The following PMEPA1 variants were observed in gnomAD, a reference collection of about 807,000 sequenced individuals.
PMEPA1 encodes the protein prostate transmembrane protein, androgen induced 1, also known as protein TMEPAI.
Under a neutral mutation model 23.0 loss-of-function variants are expected in PMEPA1, and 11 were observed. The observed-to-expected ratio is 0.48, with a 90% CI of 0.30 to 0.79. The LOEUF is 0.79. Ranked by LOEUF, PMEPA1 falls within the 30% of genes least tolerant of loss-of-function variation. PMEPA1 has a pLI of 0.06. For missense variants in PMEPA1, 377 were observed against 390.9 expected, an observed-to-expected ratio of 0.96 and a Z score of 0.30; for synonymous variants, 204 against 166.4, an observed-to-expected ratio of 1.23 and a Z score of -1.74.
intron 1 of PMEPA1, among the ~76,000 whole-genome samples, chr20:57,707,584 A>G (rs2072106763): frequency 6.6e-6 from 1 of 151,448 alleles, no homozygotes; most frequent in South Asian, 2.1e-4. Flanking sequence ...AGAGGCCTTG[A>G]TGTCAGGTCA....
Position 57,709,859 on chromosome 20 carries a change from GGC to G in PMEPA1, c.-279_-278del, listed in dbSNP as rs1341789451. 64 of 988,986 alleles carry G rather than the reference GGC, an allele frequency of 6.5e-5. 1 individual carries two copies. In the East Asian group the frequency reaches 3.4e-3, roughly 52 times the overall value. 61.3% of individuals were successfully genotyped at this position (988,986 alleles called of 1,614,324 possible). A position where few individuals can be genotyped will look rare whatever the true frequency, so the allele number is the denominator to read the frequency against. ...CGTCCGGAAAATGGGCTGGCAGCGG[GGC>G]GCGCGCTGCCGCCGGGGCTGAGCCT... is the stretch of plus-strand genomic sequence containing the variant. On this transcript the variant is annotated 5_prime_UTR_variant, in exon 1 of 4. Coordinates refer to ENST00000341744, the MANE Select transcript of PMEPA1 (RefSeq NM_020182.5).
intron 1 of PMEPA1, among the ~76,000 whole-genome samples, chr20:57,691,516 C>A (rs549334455): frequency 6.6e-6 from 1 of 152,304 alleles, no homozygotes; most frequent in African/African-American, 2.4e-5. Context: ...ACAGGCACCA[C>A]TGGCACCGCT....
At chr20:57,667,262 C>G (rs1039352023) in intron 1 of PMEPA1, among the ~76,000 whole-genome samples, 1 of 152,108 alleles carries the variant, frequency 6.6e-6, no homozygotes, top group African/African-American at 2.4e-5. Flanking sequence ...AGAGCCTGGA[C>G]CTGAACTGAG....
chr20:57,678,491 C>G (rs932613427), intron 1 of PMEPA1, among the ~76,000 whole-genome samples: 4 of 152,210 alleles, frequency 2.6e-5, no homozygotes, highest in Admixed American at 2.6e-4. Flanking sequence ...AGGCCTGGCA[C>G]TGGGGGAGGG....
chr20:57,664,222 C>T (rs897309032), intron 1 of PMEPA1, among the ~76,000 whole-genome samples: 3 of 152,190 alleles, frequency 2.0e-5, no homozygotes, highest in African/African-American at 7.2e-5. Context: ...AGGCCTGGTC[C>T]CGGGACTCAC....
intron 1 of PMEPA1, among the ~76,000 whole-genome samples, chr20:57,681,902 T>C (rs756581977): frequency 2.0e-5 from 3 of 152,122 alleles, no homozygotes; most frequent in African/African-American, 4.8e-5. Flanking sequence ...TGACTCCTTC[T>C]CATCCCTCAT....
intron 1 of PMEPA1, among the ~76,000 whole-genome samples, chr20:57,686,092 G>A (rs1323139507): frequency 6.6e-6 from 1 of 152,174 alleles, no homozygotes; most frequent in East Asian, 1.9e-4. Context: ...AAGGTTCCAA[G>A]GGAGGAAGAA....
In PMEPA1 at chr20:57,709,954, C is replaced by T. The variant is rs2072149493; in HGVS notation, c.-372G>A. ...CCGCCGCCGCCTCCTCCTCCTCATT[C>T]AAGTCCAAGGAGATCGGGTTTCGCT... On this transcript the variant is annotated 5_prime_UTR_variant, in exon 1 of 4. Coordinates refer to ENST00000341744, the MANE Select transcript of PMEPA1 (RefSeq NM_020182.5). 9.9e-7 allele frequency: 1 copy of T among 1,009,754 alleles called. No homozygotes were observed. Among genetic ancestry groups the T allele is most frequent in the African/African-American group, 1.7e-5 (1 of 57,628 alleles). 62.5% of individuals were successfully genotyped at this position (1,009,754 alleles called of 1,614,324 possible). A position where few individuals can be genotyped will look rare whatever the true frequency, so the allele number is the denominator to read the frequency against.
chr20:57,677,279 C>T (rs1039470630), intron 1 of PMEPA1, among the ~76,000 whole-genome samples: 1 of 152,182 alleles, frequency 6.6e-6, no homozygotes, highest in Non-Finnish European at 1.5e-5. Flanking sequence ...ACTATGGCCC[C>T]GTCTCATTGG....
intron 1 of PMEPA1, among the ~76,000 whole-genome samples, chr20:57,669,547 CA>C (rs2071539484): frequency 6.6e-6 from 1 of 152,210 alleles, no homozygotes; most frequent in South Asian, 2.1e-4. Context: ...AACTGGGAAC[CA>C]CTGAAATGTC....
At chr20:57,706,713 C>G (rs1027643283) in intron 1 of PMEPA1, among the ~76,000 whole-genome samples, 2 of 152,184 alleles carry the variant, frequency 1.3e-5, no homozygotes, top group South Asian at 4.1e-4. Context: ...GAGGTGTGGG[C>G]GTGCAGTCCA....
chr20:57,684,189 T>G (rs573486882), intron 1 of PMEPA1, among the ~76,000 whole-genome samples: 1 of 152,118 alleles, frequency 6.6e-6, no homozygotes, highest in African/African-American at 2.4e-5. Flanking sequence ...GGAGGGCAGA[T>G]TGATGACTGC....
chr20:57,661,986 T>A (rs960350662), intron 1 of PMEPA1, among the ~76,000 whole-genome samples: 4 of 152,188 alleles, frequency 2.6e-5, no homozygotes, highest in Admixed American at 2.6e-4. Context: ...GGGCCGCGTC[T>A]GCACCCAGGG....
intron 1 of PMEPA1, among the ~76,000 whole-genome samples, chr20:57,692,725 A>C (rs2071898877): frequency 6.6e-6 from 1 of 152,182 alleles, no homozygotes; most frequent in Non-Finnish European, 1.5e-5. Context: ...GAGCCTGAGG[A>C]ACCTCCGTCC....
intron 1 of PMEPA1, chr20:57,690,620 G>A: frequency 1.6e-6 from 2 of 1,212,376 alleles, no homozygotes; most frequent in Non-Finnish European, 2.1e-6. Flanking sequence ...CAGGGGCCTG[G>A]AGAGCAGGCG....
At position 57,652,400 on chromosome 20, in the gene PMEPA1, C is replaced by T. The variant is rs1400277764; in HGVS notation, c.517G>A (p.Glu173Lys). The change falls in exon 4 of 4, where the codon GAG becomes AAG. Residue 173 changes from glutamate (E) to lysine (K), a missense_variant. Physicochemically the swap from Glu to Lys is moderately conservative, Grantham distance 56. This residue lies in a region of PMEPA1 where 176 missense variants were observed against 173.0 expected (regional missense o/e 1.02). Coordinates refer to ENST00000341744, the MANE Select transcript of PMEPA1 (RefSeq NM_020182.5). The surrounding 1 kb of genome is among the most constrained non-coding windows in gnomAD (Gnocchi z 6.1). ...GPCTLQLRDP[E>K]QQLELNRESV... ...TCCCGGTTCAGTTCCAGCTGCTGCT[C>T]GGGGTCCCGAAGCTGGAGGGTGCAG... The T allele has an allele frequency of 1.9e-6, 3 of 1,613,660 alleles. No homozygotes were observed. The highest frequency in any genetic ancestry group is 2.5e-6 in the Non-Finnish European group (3 of 1,179,918).
chr20:57,710,109 C>A, upstream of PMEPA1: 2 of 872,304 alleles, frequency 2.3e-6, no homozygotes, highest in Non-Finnish European at 1.4e-6. Context: ...CCCCGCACCC[C>A]CTCCCCGAGC....
intron 1 of PMEPA1, among the ~76,000 whole-genome samples, chr20:57,674,922 G>C (rs143335257): frequency 1.3e-5 from 2 of 152,362 alleles, no homozygotes; most frequent in East Asian, 1.9e-4. Flanking sequence ...TATCTGGACA[G>C]ATGAATGTGG....
In PMEPA1 at chr20:57,651,990, TA is replaced by T; in HGVS notation, c.*62del. On this transcript the variant is annotated 3_prime_UTR_variant, in exon 4 of 4. Transcript: ENST00000341744. ...CCCCGCCTTCCTCTCACTCCTCTTC[TA>T]AGAAGCGCGGAGTGTTCTGCCTTTT... The T allele has an allele frequency of 7.2e-7, 1 of 1,385,392 alleles. No individual in the cohort carries two copies. Among genetic ancestry groups the T allele is most frequent in the Non-Finnish European group, 9.6e-7 (1 of 1,045,308 alleles). 85.8% of individuals were successfully genotyped at this position (1,385,392 alleles called of 1,614,324 possible).
Sources: gnomAD v4.1 joint callset for allele counts (sites outside exome capture counted in the v4.1 genomes callset) on GRCh38, gnomAD v4.1.1 for gene constraint, gnomAD v4.1.1 regional missense constraint, Gnocchi (gnomAD v3.1) non-coding constraint, MANE v1.5 for transcripts, NCBI Gene and HGNC (gene_info 2026-07-23, HGNC 2026-07-21) for gene names.